The following LPAR3 variants were observed in gnomAD, a reference collection of about 807,000 sequenced individuals.
The protein encoded by LPAR3 is lysophosphatidic acid receptor 3, also known as LPA receptor 3.
LPAR3 carries 7 observed loss-of-function variants against 17.8 expected under a neutral mutation model. That is an observed-to-expected ratio of 0.39 (90% CI 0.22 to 0.74). The LOEUF (loss-of-function observed/expected upper bound fraction) is 0.74. LPAR3 is among the 30% of genes least tolerant of loss of function. The probability of loss-of-function intolerance (pLI) is 0.40; values close to 1 mark genes in which losing one functional copy is unlikely to be tolerated. For missense variants in LPAR3, 391 were observed against 453.4 expected (o/e 0.86, Z 1.25); for synonymous variants, 179 against 179.9 (o/e 0.99, Z 0.04).
At chr1:84,819,853 C>A (rs893805432) in intron 2 of LPAR3, among the ~76,000 whole-genome samples, 2 of 152,148 alleles carry the variant, frequency 1.3e-5, no homozygotes, top group Non-Finnish European at 2.9e-5. Context: ...CTGCCTTCTC[C>A]ACTGGAGCTC....
At position 84,813,533 on chromosome 1, in the gene LPAR3, T is replaced by C. The variant is rs758392454; in HGVS notation, c.*313A>G. 2 of 273,578 alleles carry C rather than the reference T, an allele frequency of 7.3e-6. No homozygotes were observed. Among genetic ancestry groups the C allele is most frequent in the Non-Finnish European group, 1.4e-5 (2 of 143,764 alleles). The allele number at this position is 273,578 out of a possible 1,614,324, so 16.9% of individuals were successfully genotyped here. On this transcript the variant is annotated 3_prime_UTR_variant, in exon 3 of 3. Transcript: ENST00000370611. ...GCCCTTTCATAACGTCCTTTTAAAA[T>C]ACAAAGAGAATGGCTACGAAATGGT...
chr1:84,869,628 G>A (rs984834464), intron 1 of LPAR3, among the ~76,000 whole-genome samples: 2 of 152,088 alleles, frequency 1.3e-5, no homozygotes, highest in Non-Finnish European at 2.9e-5. Flanking sequence ...AATGTAAATA[G>A]TTAAGAATGG....
chr1:84,848,256 C>T (rs72718720), intron 2 of LPAR3, among the ~76,000 whole-genome samples: 1,799 of 152,350 alleles, frequency 0.012, 15 homozygotes, highest in South Asian at 0.034. Context: ...GCTTCCTTCA[C>T]CTTAAATGCA....
intron 1 of LPAR3, among the ~76,000 whole-genome samples, chr1:84,877,723 T>TG (rs569881961): frequency 3.7e-4 from 56 of 152,236 alleles, no homozygotes; most frequent in South Asian, 3.5e-3. Context: ...AGTCAGGAGG[T>TG]GGGGTGGGGA....
chr1:84,823,663 T>C (rs1157179838), intron 2 of LPAR3, among the ~76,000 whole-genome samples: 2 of 152,214 alleles, frequency 1.3e-5, no homozygotes, highest in African/African-American at 4.8e-5. Context: ...TGCCTAGACC[T>C]AATTCTAGTG....
At chr1:84,868,602 T>C (rs569087986) in intron 1 of LPAR3, among the ~76,000 whole-genome samples, 18 of 152,282 alleles carry the variant, frequency 1.2e-4, no homozygotes, top group African/African-American at 3.6e-4. Context: ...CCAAAATTCA[T>C]GTTGACACCT....
At chr1:84,875,524 G>A (rs2102769710) in intron 1 of LPAR3, among the ~76,000 whole-genome samples, 1 of 152,322 alleles carries the variant, frequency 6.6e-6, no homozygotes, top group Middle Eastern at 3.4e-3. Flanking sequence ...TGTCTCGCAT[G>A]CTCGCCTCTC....
intron 2 of LPAR3, among the ~76,000 whole-genome samples, chr1:84,819,361 GA>G (rs1178669847): frequency 6.6e-6 from 1 of 152,146 alleles, no homozygotes; most frequent in Non-Finnish European, 1.5e-5. Context: ...CAAGCCAAAT[GA>G]AAATTAAAGG....
At chr1:84,875,397 G>C (rs1000685909) in intron 1 of LPAR3, among the ~76,000 whole-genome samples, 2 of 152,228 alleles carry the variant, frequency 1.3e-5, no homozygotes, top group African/African-American at 4.8e-5. Context: ...GCAGTGCTGA[G>C]AGGTAGGACT....
chr1:84,842,477 C>T (rs1659521493), intron 2 of LPAR3, among the ~76,000 whole-genome samples: 1 of 152,156 alleles, frequency 6.6e-6, no homozygotes, highest in South Asian at 2.1e-4. Context: ...AAATCATTTT[C>T]CTTACATTGC....
intron 2 of LPAR3, among the ~76,000 whole-genome samples, chr1:84,823,951 C>G (rs1659101827): frequency 6.6e-6 from 1 of 152,142 alleles, no homozygotes; most frequent in African/African-American, 2.4e-5. Flanking sequence ...TGAAGTCACT[C>G]CTTTGGATTC....
chr1:84,837,772 C>T (rs1217683036), intron 2 of LPAR3, among the ~76,000 whole-genome samples: 3 of 152,270 alleles, frequency 2.0e-5, no homozygotes, highest in Non-Finnish European at 4.4e-5. Context: ...CTTTTATATA[C>T]CACTTCTTTT....
intron 1 of LPAR3, among the ~76,000 whole-genome samples, chr1:84,892,507 G>A (rs1224664321): frequency 6.6e-6 from 1 of 152,222 alleles, no homozygotes; most frequent in Admixed American, 6.5e-5. Flanking sequence ...CTAGTTACTA[G>A]TTCCCGAATC....
intron 2 of LPAR3, among the ~76,000 whole-genome samples, chr1:84,833,497 C>G (rs938303280): frequency 5.6e-4 from 86 of 152,222 alleles, no homozygotes; most frequent in African/African-American, 2.0e-3. Context: ...ATTGGGTCAC[C>G]GTCATGATCA....
At chr1:84,880,303 C>T (rs1028428469) in intron 1 of LPAR3, among the ~76,000 whole-genome samples, 6 of 152,084 alleles carry the variant, frequency 3.9e-5, no homozygotes, top group Non-Finnish European at 8.8e-5. Context: ...TTTTAGCAAG[C>T]GAGACAAGAA....
At chr1:84,892,358 G>A (rs182250197) in intron 1 of LPAR3, among the ~76,000 whole-genome samples, 1 of 152,046 alleles carries the variant, frequency 6.6e-6, no homozygotes, top group African/African-American at 2.4e-5. Context: ...AATTACATGC[G>A]TGCGGAATTT....
At chr1:84,890,040 G>A (rs978047255) in intron 1 of LPAR3, among the ~76,000 whole-genome samples, 7 of 152,188 alleles carry the variant, frequency 4.6e-5, no homozygotes, top group African/African-American at 7.2e-5. Flanking sequence ...CTAGTCCACC[G>A]TTTGTAAAAG....
chr1:84,857,221 A>T (rs1454614223), intron 2 of LPAR3, among the ~76,000 whole-genome samples: 2 of 152,206 alleles, frequency 1.3e-5, no homozygotes, highest in African/African-American at 4.8e-5. Flanking sequence ...GCTTGAATAC[A>T]GGGCATGGCT....
intron 2 of LPAR3, among the ~76,000 whole-genome samples, chr1:84,832,341 T>C (rs962164064): frequency 6.6e-6 from 1 of 152,228 alleles, no homozygotes; most frequent in Non-Finnish European, 1.5e-5. Flanking sequence ...GAAGTCAAGA[T>C]GGTTTGAAAG....
Sources: gnomAD v4.1 joint callset for allele counts (sites outside exome capture counted in the v4.1 genomes callset) on GRCh38, gnomAD v4.1.1 for gene constraint, MANE v1.5 for transcripts, NCBI Gene and HGNC (gene_info 2026-07-23, HGNC 2026-07-21) for gene names.